DHRSX: variants seen among roughly 807,000 people sequenced by gnomAD.
The protein encoded by DHRSX is polyprenol dehydrogenase.
DHRSX carries 31 observed loss-of-function variants against 34.0 expected under a neutral mutation model. The ratio of observed to expected loss-of-function variants is 0.91; its 90% CI spans 0.69 to 1.23. The LOEUF (loss-of-function observed/expected upper bound fraction) is 1.23. Among genes scored for constraint, DHRSX ranks in the 50% most tolerant of loss-of-function variants. DHRSX has a pLI of 0.00. For synonymous variants in DHRSX, 201 were observed against 183.8 expected, an observed-to-expected ratio of 1.09 and a Z score of -0.76; for missense variants, 414 against 428.1, an observed-to-expected ratio of 0.97 and a Z score of 0.29.
chrX:2,304,095 T>TGATGGATGGATAGATG (rs1569485831), intron 3 of DHRSX, among the ~76,000 whole-genome samples: 6 of 53,032 alleles, frequency 1.1e-4, no homozygotes, highest in African/African-American at 5.0e-4. Flanking sequence ...GTGGGTGGAT[T>TGATGGATGGATAGATG]GATGGATGGA....
chrX:2,306,964 T>C (rs2042105745), intron 3 of DHRSX, among the ~76,000 whole-genome samples: 1 of 150,716 alleles, frequency 6.6e-6, no homozygotes, highest in Non-Finnish European at 1.5e-5. Flanking sequence ...TTTTGTAAAT[T>C]ACTGATTCAA....
At chrX:2,288,591 C>T (rs147438619) in intron 4 of DHRSX, among the ~76,000 whole-genome samples, 3,248 of 152,250 alleles carry the variant, frequency 0.021, 115 homozygotes, top group African/African-American at 0.072. Context: ...CTTCTAAAAA[C>T]TGGGGAAGGA....
At chrX:2,329,827 C>A (rs1057152464) in intron 3 of DHRSX, among the ~76,000 whole-genome samples, 3 of 152,046 alleles carry the variant, frequency 2.0e-5, no homozygotes, top group African/African-American at 4.8e-5. Context: ...GCCACACACC[C>A]TCCTTACATG....
rs866685369 is a variant in DHRSX at position 2,371,538 on chromosome X, T to C, written c.286+37207A>G. On this transcript the variant is annotated intron_variant, in intron 3 of 6. Coordinates refer to ENST00000334651, the MANE Select transcript of DHRSX (RefSeq NM_145177.3). ...CACAGCCCCTCCTCCGTTACCATAG[T>C]CCGTCCTTCTGTTACCATAGTCCCT... Among the ~76,000 whole-genome samples the C allele has an allele frequency of 6.6e-5, 5 of 75,658 alleles. No individual in the cohort carries two copies. In the South Asian group the frequency reaches 1.4e-3, roughly 22 times the overall value. 49.6% of individuals were successfully genotyped at this position (75,658 alleles called of 152,430 possible).
At chrX:2,435,737 C>G (rs945630327) in intron 1 of DHRSX, among the ~76,000 whole-genome samples, 3 of 152,140 alleles carry the variant, frequency 2.0e-5, no homozygotes, top group African/African-American at 7.2e-5. Flanking sequence ...TGCACTCCAG[C>G]CTGGGCAACA....
intron 3 of DHRSX, among the ~76,000 whole-genome samples, chrX:2,304,178 T>C (rs1337784025): frequency 8.8e-6 from 1 of 113,486 alleles, no homozygotes; most frequent in African/African-American, 3.7e-5. Context: ...AACTGATGGA[T>C]GGATGGATGG....
intron 5 of DHRSX, among the ~76,000 whole-genome samples, chrX:2,259,395 GATATAT>G (rs34990707): frequency 2.4e-5 from 3 of 124,080 alleles, no homozygotes; most frequent in East Asian, 2.1e-4. Flanking sequence ...TAGATATATA[GATATAT>G]ATATAGATAT....
At chrX:2,259,782 C>T (rs979440539) in intron 5 of DHRSX, among the ~76,000 whole-genome samples, 3 of 151,716 alleles carry the variant, frequency 2.0e-5, no homozygotes, top group Non-Finnish European at 4.4e-5. Context: ...TCTCTGCCTC[C>T]GTCTCCACGT....
At chrX:2,314,391 G>A (rs2042208913) in intron 3 of DHRSX, among the ~76,000 whole-genome samples, 1 of 86,192 alleles carries the variant, frequency 1.2e-5, no homozygotes, top group African/African-American at 5.8e-5. Context: ...ATGGAGGGAA[G>A]GAAGGAAGGG....
At chrX:2,347,602 G>A (rs1247619062) in intron 3 of DHRSX, among the ~76,000 whole-genome samples, 1 of 152,208 alleles carries the variant, frequency 6.6e-6, no homozygotes, top group Non-Finnish European at 1.5e-5. Flanking sequence ...GCTGAGGCAG[G>A]AGAATCGCTG....
intron 1 of DHRSX, among the ~76,000 whole-genome samples, chrX:2,471,013 G>A (rs1196507683): frequency 6.6e-6 from 1 of 152,152 alleles, no homozygotes. Context: ...TAACTAGCTT[G>A]ATTTAATCAT....
intron 3 of DHRSX, among the ~76,000 whole-genome samples, chrX:2,402,505 G>A (rs1468613963): frequency 6.6e-6 from 1 of 152,214 alleles, no homozygotes; most frequent in Non-Finnish European, 1.5e-5. Flanking sequence ...CTGCCGTGTG[G>A]CTGGACCACG....
At chrX:2,291,982 C>G (rs1376282701) in intron 3 of DHRSX, among the ~76,000 whole-genome samples, 1 of 149,650 alleles carries the variant, frequency 6.7e-6, no homozygotes, top group African/African-American at 2.5e-5. Context: ...TCAGGTGATC[C>G]GCCCGCCTCA....
At chrX:2,330,723 G>A (rs1288007016) in intron 3 of DHRSX, among the ~76,000 whole-genome samples, 1 of 150,328 alleles carries the variant, frequency 6.7e-6, no homozygotes, top group Non-Finnish European at 1.5e-5. Flanking sequence ...GGAGGGGAAG[G>A]AAGAAGTAGG....
At chrX:2,350,826 A>C (rs1443266667) in intron 3 of DHRSX, among the ~76,000 whole-genome samples, 2 of 152,182 alleles carry the variant, frequency 1.3e-5, no homozygotes, top group Admixed American at 6.5e-5. Context: ...CTTGGAACCA[A>C]CCCAAATGTC....
intron 3 of DHRSX, among the ~76,000 whole-genome samples, chrX:2,329,619 T>A (rs1371264649): frequency 1.3e-5 from 2 of 152,168 alleles, no homozygotes; most frequent in African/African-American, 4.8e-5. Flanking sequence ...TGGTCCCTCA[T>A]GGCTACTGTC....
intron 4 of DHRSX, among the ~76,000 whole-genome samples, chrX:2,276,585 A>G: frequency 6.6e-6 from 1 of 152,238 alleles, no homozygotes; most frequent in East Asian, 1.9e-4. Flanking sequence ...TTTACTGGGG[A>G]GTGAACGCTC....
intron 3 of DHRSX, among the ~76,000 whole-genome samples, chrX:2,316,572 C>T (rs2042243896): frequency 6.6e-6 from 1 of 151,906 alleles, no homozygotes; most frequent in African/African-American, 2.4e-5. Flanking sequence ...ACAATAATAA[C>T]AACAAAAACC....
chrX:2,378,640 A>G (rs1055061469), intron 3 of DHRSX, among the ~76,000 whole-genome samples: 15 of 152,102 alleles, frequency 9.9e-5, no homozygotes, highest in African/African-American at 3.1e-4. Flanking sequence ...GTAAGAATAT[A>G]GTATATAATA....
Sources: gnomAD v4.1 joint callset for allele counts (sites outside exome capture counted in the v4.1 genomes callset) on GRCh38, gnomAD v4.1.1 for gene constraint, MANE v1.5 for transcripts, NCBI Gene and HGNC (gene_info 2026-07-23, HGNC 2026-07-21) for gene names.